The following ZC3H12B variants were observed in gnomAD, a reference collection of about 807,000 sequenced individuals.
The protein encoded by ZC3H12B is zinc finger CCCH-type containing 12B.
Under a neutral mutation model 43.9 loss-of-function variants are expected in ZC3H12B, and 7 were observed. The observed-to-expected ratio is 0.16, with a 90% confidence interval of 0.09 to 0.30. The LOEUF is 0.30. Among genes scored for constraint, ZC3H12B ranks in the 10% least tolerant of loss-of-function variants. The probability of loss-of-function intolerance (pLI) is 1.00; values close to 1 mark genes in which losing one functional copy is unlikely to be tolerated. For synonymous variants in ZC3H12B, 222 were observed against 241.7 expected, an observed-to-expected ratio of 0.92 and a Z score of 0.76; for missense variants, 475 against 670.2, an observed-to-expected ratio of 0.71 and a Z score of 3.22.
the ZC3H12B span, among the ~76,000 whole-genome samples, chrX:65,275,362 T>G: frequency 9.7e-5 from 11 of 112,959 alleles, no homozygotes; most frequent in Non-Finnish European, 1.9e-4. Context: ...AGGCTGCTCC[T>G]GGCAGTCATG....
chrX:65,267,897 G>A, the ZC3H12B span, among the ~76,000 whole-genome samples: 1 of 111,612 alleles, frequency 9.0e-6, no homozygotes, highest in Non-Finnish European at 1.9e-5. Context: ...CCTAAAGTTA[G>A]CAGAAGGAAG....
At chrX:65,449,172 G>A (rs1244098899) in intron 3 of ZC3H12B, among the ~76,000 whole-genome samples, 2 of 110,917 alleles carry the variant, frequency 1.8e-5, no homozygotes, top group African/African-American at 6.6e-5. Flanking sequence ...GGTGAGGAGA[G>A]GGAGAGCATC....
intron 1 of ZC3H12B, 52 bp downstream of exon 6, chrX:65,489,461 T>A: frequency 1.8e-6 from 2 of 1,132,641 alleles, no homozygotes; most frequent in Non-Finnish European, 2.3e-6. Context: ...CCTGAGCTCA[T>A]AGAAATTTTC....
At chrX:65,229,668 G>C in the ZC3H12B span, among the ~76,000 whole-genome samples, 1 of 100,260 alleles carries the variant, frequency 1.0e-5, no homozygotes, top group Non-Finnish European at 2.0e-5. Flanking sequence ...AATCTACAAT[G>C]AACTCAAAGA....
At chrX:65,451,198 C>G (rs997122608) in intron 3 of ZC3H12B, among the ~76,000 whole-genome samples, 1 of 110,912 alleles carries the variant, frequency 9.0e-6, no homozygotes, top group African/African-American at 3.3e-5. Context: ...GAGCCACACA[C>G]CTCGGTATCC....
chrX:65,381,855 A>G (rs1255454304), intron 2 of ZC3H12B, among the ~76,000 whole-genome samples: 3 of 112,226 alleles, frequency 2.7e-5, no homozygotes, highest in African/African-American at 9.7e-5. Flanking sequence ...AAAATCTAGA[A>G]GAAATGGATA....
At chrX:65,487,649 C>A (rs914452171), upstream of ZC3H12B, among the ~76,000 whole-genome samples, 1 of 111,885 alleles carries the variant, frequency 8.9e-6, no homozygotes, top group South Asian at 3.7e-4. Flanking sequence ...TGATTTTATC[C>A]TTTTCTCCTT....
chrX:65,201,717 G>T, the ZC3H12B span, among the ~76,000 whole-genome samples: 5 of 102,153 alleles, frequency 4.9e-5, no homozygotes, highest in Non-Finnish European at 7.9e-5. Flanking sequence ...TGTTTGTTAA[G>T]GTCCTTGATA....
chrX:65,318,473 G>A, the ZC3H12B span, among the ~76,000 whole-genome samples: 1 of 106,118 alleles, frequency 9.4e-6, no homozygotes, highest in Non-Finnish European at 1.9e-5. Flanking sequence ...GGAGTGTGGT[G>A]GTGTGATCTC....
At chrX:65,132,119 G>GA in the ZC3H12B span, among the ~76,000 whole-genome samples, 2 of 110,917 alleles carry the variant, frequency 1.8e-5, no homozygotes, top group African/African-American at 3.3e-5. Context: ...GGGGAATAGT[G>GA]AAAAAAGCAT....
At chrX:65,480,797 G>C (rs2068053571) in intron 3 of ZC3H12B, among the ~76,000 whole-genome samples, 1 of 104,999 alleles carries the variant, frequency 9.5e-6, no homozygotes, top group Non-Finnish European at 1.9e-5. Flanking sequence ...AGTGAGCCGA[G>C]ATTATGCCAT....
chrX:65,201,918 ATTC>A, the ZC3H12B span, among the ~76,000 whole-genome samples: 2 of 104,340 alleles, frequency 1.9e-5, no homozygotes, highest in Non-Finnish European at 3.9e-5. Context: ...CTCAGCTCTT[ATTC>A]TTCTCCTTTT....
intron 2 of ZC3H12B, among the ~76,000 whole-genome samples, chrX:65,383,807 A>T (rs2066479936): frequency 9.0e-6 from 1 of 111,390 alleles, no homozygotes; most frequent in Admixed American, 9.6e-5. Flanking sequence ...TGCAAATCAA[A>T]ACCACAATGA....
chrX:65,439,922 G>A (rs1000992757), intron 3 of ZC3H12B, among the ~76,000 whole-genome samples: 5 of 110,296 alleles, frequency 4.5e-5, no homozygotes, highest in Non-Finnish European at 9.5e-5. Context: ...TCATGATAAG[G>A]TTTCAGGTGT....
At chrX:65,247,925 G>C in the ZC3H12B span, among the ~76,000 whole-genome samples, 1 of 112,189 alleles carries the variant, frequency 8.9e-6, no homozygotes, top group African/African-American at 3.2e-5. Context: ...TTGCCTATTT[G>C]AAATTGCTAA....
At chrX:65,293,914 A>G in the ZC3H12B span, among the ~76,000 whole-genome samples, 1 of 112,013 alleles carries the variant, frequency 8.9e-6, no homozygotes, top group Non-Finnish European at 1.9e-5. Context: ...GAAAGATAAC[A>G]GTTTGGAAAA....
the ZC3H12B span, among the ~76,000 whole-genome samples, chrX:65,145,504 C>A: frequency 9.0e-6 from 1 of 111,503 alleles, no homozygotes; most frequent in East Asian, 2.8e-4. Context: ...CCATTTTATT[C>A]TTCGTGCTAT....
the ZC3H12B span, among the ~76,000 whole-genome samples, chrX:65,046,765 A>G: frequency 2.7e-5 from 3 of 111,384 alleles, no homozygotes; most frequent in African/African-American, 9.8e-5. Context: ...CACTAAGCAT[A>G]ATGATTTCTG....
the ZC3H12B span, among the ~76,000 whole-genome samples, chrX:65,213,780 A>G: frequency 1.0e-4 from 11 of 110,232 alleles, no homozygotes; most frequent in South Asian, 4.3e-3. Flanking sequence ...GTAGGCATTC[A>G]TTAAATATAC....
Sources: allele counts gnomAD v4.1 joint callset (sites outside exome capture counted in the v4.1 genomes callset), GRCh38; gene constraint gnomAD v4.1.1; transcripts MANE v1.5; gene names NCBI Gene and HGNC (gene_info 2026-07-23, HGNC 2026-07-21).